Variants in HSD17B2 observed in about 807,000 individuals in gnomAD.
HSD17B2 encodes 17-beta-hydroxysteroid dehydrogenase type 2.
Under a neutral mutation model 26.9 loss-of-function variants are expected in HSD17B2, and 32 were observed. That is an observed-to-expected ratio of 1.19 (90% CI 0.90 to 1.60). HSD17B2 has a LOEUF of 1.60. Among genes scored for constraint, HSD17B2 ranks in the 40% most tolerant of loss-of-function variants. The pLI, the probability that HSD17B2 is intolerant of heterozygous loss-of-function variation, is 0.00. For synonymous variants in HSD17B2, 246 were observed against 186.7 expected, an observed-to-expected ratio of 1.32 and a Z score of -2.59; for missense variants, 613 against 468.6, an observed-to-expected ratio of 1.31 and a Z score of -2.85.
intron 2 of HSD17B2, among the ~76,000 whole-genome samples, chr16:82,069,187 A>G (rs8191147): frequency 0.011 from 1,608 of 152,242 alleles, 29 homozygotes; most frequent in African/African-American, 0.036. Context: ...TTCCTGCTTT[A>G]GTTTGCTGAG....
At chr16:82,094,550 A>G (rs1289139119) in intron 4 of HSD17B2, 1 of 152,146 alleles carries the variant, frequency 6.6e-6, no homozygotes, top group Non-Finnish European at 1.5e-5. Context: ...TTCCTTTTAT[A>G]TCAGGCTGCC....
intron 1 of HSD17B2, among the ~76,000 whole-genome samples, chr16:82,058,214 G>A (rs1172374942): frequency 2.6e-5 from 4 of 152,074 alleles, no homozygotes; most frequent in African/African-American, 9.7e-5. Flanking sequence ...GGGGCCAGGG[G>A]CGTATGCCAG....
intron 1 of HSD17B2, among the ~76,000 whole-genome samples, chr16:82,051,085 T>C (rs1056270130): frequency 6.6e-6 from 1 of 152,218 alleles, no homozygotes; most frequent in Non-Finnish European, 1.5e-5. Flanking sequence ...TCTCCAGGTG[T>C]ATTTCTCAAT....
At chr16:82,071,150 G>C in intron 3 of HSD17B2, 23 bp downstream of exon 3, 1 of 1,609,252 alleles carries the variant, frequency 6.2e-7, no homozygotes, top group East Asian at 2.2e-5. Context: ...TTTCACACAT[G>C]GTCATGGGGT....
At chr16:82,061,676 C>T (rs573830090) in intron 1 of HSD17B2, among the ~76,000 whole-genome samples, 19 of 151,940 alleles carry the variant, frequency 1.3e-4, no homozygotes, top group Middle Eastern at 3.4e-3. Flanking sequence ...TGTTAAAGAA[C>T]GATATGTAGG....
At chr16:82,076,867 C>G (rs900123472) in intron 3 of HSD17B2, among the ~76,000 whole-genome samples, 3 of 152,018 alleles carry the variant, frequency 2.0e-5, no homozygotes, top group Non-Finnish European at 4.4e-5. Flanking sequence ...CATTAGTATG[C>G]CAATAGCAAA....
intron 4 of HSD17B2, chr16:82,093,504 T>A (rs1904750862): frequency 1.3e-5 from 2 of 152,234 alleles, no homozygotes; most frequent in Non-Finnish European, 2.9e-5. Flanking sequence ...GTTGATGGGA[T>A]GTTTGAGTCC....
intron 3 of HSD17B2, among the ~76,000 whole-genome samples, chr16:82,080,388 G>T (rs1418271866): frequency 6.6e-6 from 1 of 152,108 alleles, no homozygotes; most frequent in Non-Finnish European, 1.5e-5. Flanking sequence ...TAAGAAAGAG[G>T]CATGAGGGTC....
chr16:82,062,016 A>G (rs962304364), intron 1 of HSD17B2, among the ~76,000 whole-genome samples: 4 of 152,192 alleles, frequency 2.6e-5, no homozygotes, highest in Non-Finnish European at 5.9e-5. Context: ...AACGTGCCCA[A>G]TTTAAGACTT....
chr16:82,055,302 A>T (rs899705511), intron 1 of HSD17B2, among the ~76,000 whole-genome samples: 3 of 152,194 alleles, frequency 2.0e-5, no homozygotes, highest in African/African-American at 7.2e-5. Flanking sequence ...TTCCGTGAAC[A>T]TGGCATCCTG....
intron 4 of HSD17B2, chr16:82,095,514 T>C (rs1008184258): frequency 3.3e-5 from 5 of 152,776 alleles, no homozygotes; most frequent in African/African-American, 1.2e-4. Flanking sequence ...TGGAAAGTAA[T>C]CTGGCAGTAG....
chr16:82,079,948 A>G (rs1486875124), intron 3 of HSD17B2, among the ~76,000 whole-genome samples: 1 of 152,134 alleles, frequency 6.6e-6, no homozygotes, highest in African/African-American at 2.4e-5. Context: ...GCATGGAGGG[A>G]GAGAAGCAGT....
chr16:82,093,397 A>G (rs931446355), intron 4 of HSD17B2: 3 of 152,134 alleles, frequency 2.0e-5, no homozygotes, highest in South Asian at 2.1e-4. Context: ...CTTTCACTCA[A>G]TATTCTGATT....
chr16:82,080,600 T>C (rs1438332207), intron 3 of HSD17B2, among the ~76,000 whole-genome samples: 1 of 152,210 alleles, frequency 6.6e-6, no homozygotes, highest in Non-Finnish European at 1.5e-5. Context: ...TTTAAGCCAC[T>C]AGGTTTGTAG....
At chr16:82,067,513 T>C (rs963494644) in intron 1 of HSD17B2, among the ~76,000 whole-genome samples, 1 of 152,256 alleles carries the variant, frequency 6.6e-6, no homozygotes, top group Non-Finnish European at 1.5e-5. Context: ...GTGTATTACA[T>C]TAGTCTCTGT....
At chr16:82,051,803 T>C (rs1431522235) in intron 1 of HSD17B2, among the ~76,000 whole-genome samples, 2 of 152,268 alleles carry the variant, frequency 1.3e-5, no homozygotes, top group East Asian at 3.8e-4. Context: ...TGCCAGCTTC[T>C]TGCTGTGTGA....
chr16:82,040,917 G>T (rs989604171), intron 1 of HSD17B2, among the ~76,000 whole-genome samples: 6 of 152,220 alleles, frequency 3.9e-5, no homozygotes, highest in Non-Finnish European at 7.3e-5. Flanking sequence ...GGTGGATGTT[G>T]AAAGGATGGC....
At chr16:82,076,371 C>T (rs1378408155) in intron 3 of HSD17B2, among the ~76,000 whole-genome samples, 2 of 152,056 alleles carry the variant, frequency 1.3e-5, no homozygotes, top group Non-Finnish European at 2.9e-5. Context: ...CCACATAATA[C>T]TGGAAATCCT....
At chr16:82,082,999 A>G (rs1904423597) in intron 3 of HSD17B2, among the ~76,000 whole-genome samples, 1 of 152,142 alleles carries the variant, frequency 6.6e-6, no homozygotes, top group South Asian at 2.1e-4. Context: ...ATATGTTACC[A>G]CCACATCAAA....
Sources: gnomAD v4.1 joint callset for allele counts (sites outside exome capture counted in the v4.1 genomes callset) on GRCh38, gnomAD v4.1.1 for gene constraint, MANE v1.5 for transcripts, NCBI Gene and HGNC (gene_info 2026-07-23, HGNC 2026-07-21) for gene names.